Variants in TFEC observed in about 807,000 individuals in gnomAD.
TFEC encodes transcription factor EC, also known as class E basic helix-loop-helix protein 34.
In TFEC, 31 loss-of-function variants were observed where a neutral mutation model predicts 41.6. The ratio of observed to expected loss-of-function variants is 0.74; its 90% confidence interval spans 0.56 to 1.01. TFEC has a LOEUF of 1.01. Among genes scored for constraint, TFEC ranks in the 50% least tolerant of loss-of-function variants. The pLI is 0.00. For missense variants in TFEC, 402 were observed against 404.1 expected (o/e 0.99, Z 0.04); for synonymous variants, 143 against 140.6 (o/e 1.02, Z -0.12).
intron 3 of TFEC, among the ~76,000 whole-genome samples, chr7:116,092,804 G>T (rs550431894): frequency 1.3e-5 from 2 of 152,070 alleles, no homozygotes; most frequent in Non-Finnish European, 2.9e-5. Flanking sequence ...GGGTCACCTC[G>T]ATAGTCACTG....
chr7:116,005,722 C>G (rs1238079357), intron 1 of TFEC, among the ~76,000 whole-genome samples: 1 of 152,140 alleles, frequency 6.6e-6, no homozygotes, highest in Non-Finnish European at 1.5e-5. Flanking sequence ...TAATGAGGAG[C>G]TGAATGTTAA....
chr7:116,065,547 T>C (rs2131004725), intron 3 of TFEC, among the ~76,000 whole-genome samples: 1 of 152,254 alleles, frequency 6.6e-6, no homozygotes, highest in East Asian at 1.9e-4. Flanking sequence ...CAGTTGATAA[T>C]GCTTAAAGCT....
intron 6 of TFEC, among the ~76,000 whole-genome samples, chr7:115,946,699 T>G (rs1349512639): frequency 2.7e-5 from 4 of 150,588 alleles, no homozygotes; most frequent in Non-Finnish European, 5.9e-5. Flanking sequence ...TTTTCTCTTC[T>G]TTTCTTTTCT....
chr7:115,955,594 G>A (rs1054040735), intron 4 of TFEC, among the ~76,000 whole-genome samples: 3 of 151,990 alleles, frequency 2.0e-5, no homozygotes, highest in Non-Finnish European at 2.9e-5. Flanking sequence ...AGAGATTCTG[G>A]TCTGAACGAA....
chr7:116,022,631 C>T (rs1382190195), intron 1 of TFEC, among the ~76,000 whole-genome samples: 1 of 152,320 alleles, frequency 6.6e-6, no homozygotes, highest in Middle Eastern at 3.4e-3. Flanking sequence ...TATGTAGAGG[C>T]ATGGCCCAGT....
intron 1 of TFEC, among the ~76,000 whole-genome samples, chr7:116,133,996 GCAAAC>G (rs1264447266): frequency 2.0e-5 from 3 of 152,122 alleles, no homozygotes; most frequent in African/African-American, 7.2e-5. Context: ...GAAAAAGCTG[GCAAAC>G]CAAGCCAAGA....
chr7:116,154,794 A>G (rs1027021809), intron 1 of TFEC, among the ~76,000 whole-genome samples: 1 of 152,196 alleles, frequency 6.6e-6, no homozygotes, highest in Non-Finnish European at 1.5e-5. Context: ...GGCCAATAAG[A>G]GGCATTGGTG....
intron 3 of TFEC, among the ~76,000 whole-genome samples, chr7:115,972,849 C>T (rs183287664): frequency 2.0e-5 from 3 of 152,074 alleles, no homozygotes; most frequent in East Asian, 3.9e-4. Context: ...TTTCAGTATA[C>T]AATTTCAATG....
intron 1 of TFEC, among the ~76,000 whole-genome samples, chr7:116,134,033 G>A (rs2116335761): frequency 6.6e-6 from 1 of 152,276 alleles, no homozygotes; most frequent in African/African-American, 2.4e-5. Context: ...AGTCAATCCA[G>A]ACTAAAAGCT....
chr7:115,966,822 G>A (rs567177133), intron 3 of TFEC, among the ~76,000 whole-genome samples: 63 of 151,656 alleles, frequency 4.2e-4, no homozygotes, highest in Non-Finnish European at 8.1e-4. Context: ...CCTTCAATAA[G>A]CATCCAAATC....
At chr7:116,139,087 G>A (rs555938915) in intron 1 of TFEC, among the ~76,000 whole-genome samples, 2 of 152,056 alleles carry the variant, frequency 1.3e-5, no homozygotes, top group African/African-American at 2.4e-5. Flanking sequence ...TGCACTAGAG[G>A]GCTAAGAATC....
intron 3 of TFEC, among the ~76,000 whole-genome samples, chr7:116,090,088 C>T (rs1292913914): frequency 6.6e-6 from 1 of 152,116 alleles, no homozygotes; most frequent in Non-Finnish European, 1.5e-5. Flanking sequence ...GCCTAAGTAA[C>T]AAAAGGACAA....
At chr7:116,123,128 T>TG (rs1798142042) in intron 1 of TFEC, among the ~76,000 whole-genome samples, 1 of 152,136 alleles carries the variant, frequency 6.6e-6, no homozygotes, top group African/African-American at 2.4e-5. Flanking sequence ...AAGCAATTGC[T>TG]GAACTCACAT....
chr7:115,968,859 T>G (rs561602309), intron 3 of TFEC, among the ~76,000 whole-genome samples: 1 of 152,010 alleles, frequency 6.6e-6, no homozygotes, highest in East Asian at 1.9e-4. Flanking sequence ...TACTGAACTC[T>G]CTAAGCTTCT....
At chr7:115,947,367 C>T (rs28865612) in intron 6 of TFEC, among the ~76,000 whole-genome samples, 4,743 of 151,094 alleles carry the variant, frequency 0.031, 234 homozygotes, top group African/African-American at 0.11. Context: ...GTGAATAATG[C>T]TGCAATAAAC....
chr7:116,134,834 G>A (rs1384785549), intron 1 of TFEC, among the ~76,000 whole-genome samples: 1 of 152,064 alleles, frequency 6.6e-6, no homozygotes, highest in African/African-American at 2.4e-5. Flanking sequence ...ATTAAATAAT[G>A]TTATAATACT....
chr7:115,983,385 G>T (rs1233354074), intron 2 of TFEC, among the ~76,000 whole-genome samples: 7 of 151,970 alleles, frequency 4.6e-5, no homozygotes, highest in African/African-American at 1.7e-4. Flanking sequence ...GGGATTCTGA[G>T]CATTATCCTT....
At chr7:116,019,325 A>G (rs1795309316) in intron 1 of TFEC, among the ~76,000 whole-genome samples, 1 of 152,242 alleles carries the variant, frequency 6.6e-6, no homozygotes, top group African/African-American at 2.4e-5. Context: ...CCGTGCTTGT[A>G]TATTCTATCA....
intron 3 of TFEC, among the ~76,000 whole-genome samples, chr7:116,070,973 C>T (rs1245007152): frequency 1.3e-5 from 2 of 151,218 alleles, no homozygotes; most frequent in Non-Finnish European, 3.0e-5. Flanking sequence ...ACAATCAAAT[C>T]GACTTGAAAA....
Sources: gnomAD v4.1 joint callset for allele counts (sites outside exome capture counted in the v4.1 genomes callset) on GRCh38, gnomAD v4.1.1 for gene constraint, MANE v1.5 for transcripts, NCBI Gene and HGNC (gene_info 2026-07-23, HGNC 2026-07-21) for gene names.